Variants in CLVS1 observed in about 807,000 individuals in gnomAD.
CLVS1 encodes the protein clavesin-1.
In CLVS1, 10 loss-of-function variants were observed where a neutral mutation model predicts 33.1. That is an observed-to-expected ratio of 0.30 (90% CI 0.19 to 0.51). CLVS1 has a LOEUF of 0.51. CLVS1 is among the 20% of genes least tolerant of loss of function. CLVS1 has a pLI of 0.97. For missense variants in CLVS1, 343 were observed against 433.4 expected, an observed-to-expected ratio of 0.79 and a Z score of 1.85; for synonymous variants, 163 against 166.1, an observed-to-expected ratio of 0.98 and a Z score of 0.14.
chr8:61,142,479 C>A (rs756492022), intron 2 of CLVS1, among the ~76,000 whole-genome samples: 2 of 152,188 alleles, frequency 1.3e-5, no homozygotes, highest in Non-Finnish European at 2.9e-5. Context: ...AGTAAGTGGG[C>A]CTCACTTAAG....
chr8:61,141,504 G>T (rs1806307744), intron 2 of CLVS1, among the ~76,000 whole-genome samples: 1 of 151,894 alleles, frequency 6.6e-6, no homozygotes, highest in Non-Finnish European at 1.5e-5. Flanking sequence ...TTTTACATAT[G>T]GGCCTATAGG....
chr8:61,054,193 G>A (rs2129276575), upstream of CLVS1, among the ~76,000 whole-genome samples: 1 of 152,274 alleles, frequency 6.6e-6, no homozygotes, highest in Non-Finnish European at 1.5e-5. Context: ...CAATTGCCTG[G>A]GGAAAGCTGC....
chr8:60,990,999 A>G, the CLVS1 span, among the ~76,000 whole-genome samples: 1 of 152,130 alleles, frequency 6.6e-6, no homozygotes, highest in Non-Finnish European at 1.5e-5. Flanking sequence ...GCATGAGCCA[A>G]CGTGCCCAAC....
At chr8:61,285,147 A>G (rs1200829559), upstream of CLVS1, among the ~76,000 whole-genome samples, 1 of 152,168 alleles carries the variant, frequency 6.6e-6, no homozygotes, top group African/African-American at 2.4e-5. Context: ...CCAATCATCT[A>G]TGGGAAGAAA....
At chr8:60,995,745 A>G in the CLVS1 span, among the ~76,000 whole-genome samples, 1 of 152,268 alleles carries the variant, frequency 6.6e-6, no homozygotes, top group African/African-American at 2.4e-5. Context: ...CACAATAGCA[A>G]AGACTTGGAA....
At chr8:60,967,538 A>C in the CLVS1 span, 1 of 415,076 alleles carries the variant, frequency 2.4e-6, no homozygotes, top group Non-Finnish European at 4.9e-6. Context: ...GGACGGCTTG[A>C]GGTGTGGGTG....
At chr8:61,174,423 G>A (rs1364273843) in intron 2 of CLVS1, among the ~76,000 whole-genome samples, 3 of 146,896 alleles carry the variant, frequency 2.0e-5, no homozygotes, top group African/African-American at 5.1e-5. Context: ...GCAACAGAGT[G>A]AGACTGTCTC....
rs1805433147 is a variant in CLVS1 at position 61,100,717 on chromosome 8, A to G, written c.-242-31053A>G. ...TCATAGTCCTTAGCCATCGTTCCCA[A>G]TCCACTAGGTGCTGTTCCCACCTAG... On this transcript the variant is annotated intron_variant, in intron 1 of 2. Coordinates refer to the CLVS1 transcript ENST00000522621. 2.0e-5 allele frequency among the ~76,000 whole-genome samples: 3 copies of G among 152,208 alleles called. No homozygotes were observed. In the South Asian group the frequency reaches 6.2e-4, roughly 32 times the overall value.
the CLVS1 span, among the ~76,000 whole-genome samples, chr8:61,052,091 T>C: frequency 6.6e-6 from 1 of 152,066 alleles, no homozygotes; most frequent in Non-Finnish European, 1.5e-5. Context: ...GCAAGGGGGA[T>C]TGAGGTCACC....
At chr8:61,047,883 G>A in the CLVS1 span, among the ~76,000 whole-genome samples, 1 of 151,996 alleles carries the variant, frequency 6.6e-6, no homozygotes, top group South Asian at 2.1e-4. Flanking sequence ...CATGGCACAT[G>A]TATACATATG....
At chr8:61,273,133 T>A (rs2129592813) in intron 2 of CLVS1, among the ~76,000 whole-genome samples, 1 of 149,678 alleles carries the variant, frequency 6.7e-6, no homozygotes, top group South Asian at 2.2e-4. Flanking sequence ...TATCTACTTT[T>A]GGTCTTTGAT....
chr8:61,368,741 C>T (rs148497884), intron 2 of CLVS1, among the ~76,000 whole-genome samples: 1,656 of 152,300 alleles, frequency 0.011, 13 homozygotes, highest in South Asian at 0.019. Context: ...TGTGTGTTAT[C>T]AGATGTTTGA....
At position 61,197,702 on chromosome 8, in the gene CLVS1, C is replaced by T. The variant is rs184405083; in HGVS notation, c.-152+65842C>T. 4.0e-3 allele frequency among the ~76,000 whole-genome samples: 601 copies of T among 152,148 alleles called. 6 individuals are homozygous for T. Among genetic ancestry groups the T allele is most frequent in the African/African-American group, 0.013 (550 of 41,508 alleles). ...ACCCCGCTAATTTTTGTATTTTTAG[C>T]AGAGATGGGATTTGGCCATGTTGGC... On this transcript the variant is annotated intron_variant, in intron 2 of 2. Coordinates refer to the CLVS1 transcript ENST00000522621.
At chr8:60,969,497 G>T in the CLVS1 span, among the ~76,000 whole-genome samples, 6 of 152,112 alleles carry the variant, frequency 3.9e-5, no homozygotes, top group South Asian at 1.0e-3. Flanking sequence ...ATTAATGCTT[G>T]TCAGTGGTTG....
chr8:61,476,262 A>T (rs920863453), intron 5 of CLVS1, among the ~76,000 whole-genome samples: 1 of 152,160 alleles, frequency 6.6e-6, no homozygotes, highest in Non-Finnish European at 1.5e-5. Flanking sequence ...TTGGCTTAGG[A>T]TTGACTTGGC....
chr8:61,064,509 G>C (rs1476408127), intron 1 of CLVS1, among the ~76,000 whole-genome samples: 5 of 151,340 alleles, frequency 3.3e-5, no homozygotes, highest in African/African-American at 1.2e-4. Flanking sequence ...ATCTTCTTTG[G>C]AGAAATGTCT....
At chr8:61,214,489 G>T (rs2129308093) in intron 2 of CLVS1, among the ~76,000 whole-genome samples, 1 of 152,244 alleles carries the variant, frequency 6.6e-6, no homozygotes, top group South Asian at 2.1e-4. Context: ...TATCGGGGCA[G>T]GTTCCCCAAT....
At chr8:61,457,091 C>A (rs1817194343) in intron 4 of CLVS1, among the ~76,000 whole-genome samples, 1 of 151,794 alleles carries the variant, frequency 6.6e-6, no homozygotes, top group Non-Finnish European at 1.5e-5. Context: ...GCGTGCCCCA[C>A]CATGCCCAGC....
chr8:61,327,957 T>A (rs1426728322), intron 2 of CLVS1, among the ~76,000 whole-genome samples: 1 of 152,232 alleles, frequency 6.6e-6, no homozygotes, highest in African/African-American at 2.4e-5. Flanking sequence ...ATGCATTGTT[T>A]AATTAAAGAA....
Sources: allele counts gnomAD v4.1 joint callset (sites outside exome capture counted in the v4.1 genomes callset), GRCh38; gene constraint gnomAD v4.1.1; transcripts MANE v1.5; gene names NCBI Gene and HGNC (gene_info 2026-07-23, HGNC 2026-07-21).